SRARP: variants seen among roughly 807,000 people sequenced by gnomAD.
The protein encoded by SRARP is steroid receptor-associated and regulated protein.
SRARP carries 5 observed loss-of-function variants against 3.6 expected under a neutral mutation model. That is an observed-to-expected ratio of 1.39 (90% CI 0.73 to 2.93). The LOEUF is 2.93. Ranked by LOEUF, SRARP falls within the 30% of genes most tolerant of loss-of-function variation. The pLI, the probability that SRARP is intolerant of heterozygous loss-of-function variation, is 0.00. For synonymous variants in SRARP, 96 were observed against 91.6 expected (o/e 1.05, Z -0.27); for missense variants, 215 against 216.7 (o/e 0.99, Z 0.05).
chr1:16,005,743 T>A (rs1391603595), intron 1 of SRARP, among the ~76,000 whole-genome samples, 176 bp from the exon 2 acceptor site: 1 of 152,108 alleles, frequency 6.6e-6, no homozygotes, highest in Non-Finnish European at 1.5e-5. Context: ...CATGGTGGCA[T>A]GAGCCTGTAG....
chr1:16,006,045 A>G lies in SRARP; in HGVS notation c.209A>G (p.Asn70Ser), dbSNP rs1358371168. 9 of 1,613,910 alleles carry G rather than the reference A, an allele frequency of 5.6e-6. No homozygotes were observed. The highest frequency in any genetic ancestry group is 3.3e-5 in the South Asian group (3 of 91,018). Residue 70 changes from asparagine to serine, a missense_variant, in exon 2 of 2, where the codon AAT (asparagine) becomes AGT (serine). Asn to Ser is a conservative substitution (Grantham distance 46, BLOSUM62 1). Coordinates refer to ENST00000329454, the MANE Select transcript of SRARP (RefSeq NM_178840.4). ...TCACCACCCCAAGCCCCCAGTCCCA[A>G]TCGAGGGCTTGTCACCCCACCAATG... ...TASPPQAPSP[N>S]RGLVTPPMKT...
Position 16,008,042 on chromosome 1 carries a change from T to G in SRARP, c.*1696T>G, listed in dbSNP as rs893826145. On this transcript the variant is annotated 3_prime_UTR_variant, in exon 2 of 2. Coordinates refer to ENST00000329454, the MANE Select transcript of SRARP (RefSeq NM_178840.4). ...GCAGAGGGGACACACAGAGGATAAA[T>G]GTAACCCTGTCCTCAAGGAGCTCAC... 1.2e-4 allele frequency: 18 copies of G among 152,196 alleles called. No homozygotes were observed. The highest frequency in any genetic ancestry group is 4.3e-4 in the African/African-American group (18 of 41,420). 9.4% of individuals were successfully genotyped at this position (152,196 alleles called of 1,614,324 possible). A position where few individuals can be genotyped will look rare whatever the true frequency, so the allele number is the denominator to read the frequency against.
intron 1 of SRARP, among the ~76,000 whole-genome samples, chr1:16,004,977 G>C (rs1055510603): frequency 4.6e-5 from 7 of 152,216 alleles, no homozygotes; most frequent in Admixed American, 3.9e-4. Flanking sequence ...TTTGGATTCA[G>C]ATACAATTGC....
In SRARP at chr1:16,004,291, C is replaced by A; in HGVS notation, c.-13C>A. The A allele has an allele frequency of 2.5e-6, 4 of 1,587,488 alleles. No individual in the cohort carries two copies. The highest frequency in any genetic ancestry group is 1.7e-4 in the Middle Eastern group (1 of 6,034). On this transcript the variant is annotated 5_prime_UTR_variant, in exon 1 of 2. Transcript: ENST00000329454. ...CTCTCCTGCCAGAGCTAGGCAGGCG[C>A]CGAAGTAGCCGCATGGCCCCGTCAG...
rs141559019 is a variant in SRARP, at chr1:16,006,254, G to C, written c.418G>C (p.Val140Leu). 6.2e-7 allele frequency: 1 copy of C among 1,613,808 alleles called. No individual in the cohort carries two copies. Among genetic ancestry groups the C allele is most frequent in the East Asian group, 2.2e-5 (1 of 44,886 alleles). Residue 140 changes from valine (V) to leucine (L), a missense_variant, in exon 2 of 2, where the codon GTG (valine) becomes CTG (leucine). Coordinates refer to ENST00000329454, the MANE Select transcript of SRARP (RefSeq NM_178840.4). Reference sequence around the variant, plus strand: ...GGTTCCCGAGGCTAAGGGGAAACCCGTGAAGGCTGCGCCTGTGAGGTCTTC... The same window carrying C: ...GGTTCCCGAGGCTAAGGGGAAACCCCTGAAGGCTGCGCCTGTGAGGTCTTC... ...QEVPEAKGKP[V>L]KAAPVRSSTW... is the part of the protein sequence containing the mutation.
At chr1:16,004,922 TGTTATTTGGGTAACTCAAAAA>T (rs2073118796) in intron 1 of SRARP, among the ~76,000 whole-genome samples, 1 of 152,100 alleles carries the variant, frequency 6.6e-6, no homozygotes. Context: ...TGGATGTGTA[TGTTATTTGGGTAACTCAAAAA>T]GTTACCTTTT....
Position 16,006,353 on chromosome 1 carries a change from G to GGGGCA in SRARP, c.*9_*10insGCAGG, listed in dbSNP as rs756677589. 1.9e-3 allele frequency: 2,941 copies of GGGGCA among 1,578,668 alleles called. 56 individuals are homozygous for GGGGCA. In the African/African-American group the frequency reaches 0.035, roughly 19 times the overall value. ...CTGTGGGCAGGCCGATTAGCTGGAA[G>GGGGCA]GGCCGGGCTCTGATGCCCAGAGGCT... On this transcript the variant is annotated 3_prime_UTR_variant, in exon 2 of 2. Transcript: ENST00000329454.
intron 1 of SRARP, among the ~76,000 whole-genome samples, chr1:16,005,596 G>A (rs115692780): frequency 3.6e-4 from 55 of 152,328 alleles, no homozygotes; most frequent in African/African-American, 1.2e-3. Context: ...TGTCCCAGTC[G>A]GGTGCAGTGG....
rs1317944501 is a variant in SRARP, at chr1:16,008,787, G to C, written c.*2441G>C. On this transcript the variant is annotated 3_prime_UTR_variant, in exon 2 of 2. Transcript: ENST00000329454. ...CCACTGCACTCCGGCCTGGGTGACA[G>C]AGCAAGAGCAAGACTGTCTCAAAAA... The C allele has an allele frequency of 6.7e-6, 1 of 149,474 alleles. No individual in the cohort carries two copies. Among genetic ancestry groups the C allele is most frequent in the Non-Finnish European group, 1.5e-5 (1 of 67,684 alleles). 9.3% of individuals were successfully genotyped at this position (149,474 alleles called of 1,614,324 possible).
intron 1 of SRARP, among the ~76,000 whole-genome samples, chr1:16,005,266 A>G (rs746095611): frequency 6.6e-6 from 1 of 152,166 alleles, no homozygotes; most frequent in Non-Finnish European, 1.5e-5. Flanking sequence ...AATATGGTCC[A>G]TGGACCAGCA....
Position 16,006,093 on chromosome 1 carries a change from G to A in SRARP, c.257G>A (p.Gly86Glu). Residue 86 changes from glycine (G) to glutamate (E), a missense_variant, in exon 2 of 2, where the codon GGG (glycine) becomes GAG (glutamate). Physicochemically the swap from Gly to Glu is moderately conservative, Grantham distance 98. Coordinates refer to ENST00000329454, the MANE Select transcript of SRARP (RefSeq NM_178840.4). ...PPMKTYIVFC[G>E]ENWPHLTRVT... ...ATGAAGACCTACATCGTGTTCTGTG[G>A]GGAAAACTGGCCCCATCTGACTCGG... The A allele has an allele frequency of 1.2e-6, 2 of 1,613,972 alleles. No individual in the cohort carries two copies. Among genetic ancestry groups the A allele is most frequent in the Non-Finnish European group, 1.7e-6 (2 of 1,179,948 alleles).
chr1:16,007,186 C>G lies in SRARP; in HGVS notation c.*840C>G, dbSNP rs1363847129. 3 of 148,150 alleles carry G rather than the reference C, an allele frequency of 2.0e-5. No homozygotes were observed. Among genetic ancestry groups the G allele is most frequent in the Admixed American group, 6.8e-5 (1 of 14,750 alleles). The allele number at this position is 148,150 out of a possible 1,614,324, so 9.2% of individuals were successfully genotyped here. On this transcript the variant is annotated 3_prime_UTR_variant, in exon 2 of 2. Transcript: ENST00000329454. ...AGTATCATGTTTGAACGAATGAAAA[C>G]AAGACATGTTATTTATTGAGCATCT...
Position 16,006,023 on chromosome 1 carries a change from C to T in SRARP, c.187C>T (p.Pro63Ser). Reference sequence around the variant, plus strand: ...GCTCTCCCTGGCAGCAACCGCATCACCACCCCAAGCCCCCAGTCCCAATCG... The same window carrying T: ...GCTCTCCCTGGCAGCAACCGCATCATCACCCCAAGCCCCCAGTCCCAATCG... The part of the protein sequence containing the change: ...KQLSLAATAS[P>S]PQAPSPNRGL... Residue 63 changes from proline (P) to serine (S), a missense_variant, in exon 2 of 2, where the codon CCA (proline) becomes TCA (serine). Physicochemically the swap from Pro to Ser is moderately conservative, Grantham distance 74. Transcript: ENST00000329454. 6.2e-7 allele frequency: 1 copy of T among 1,613,960 alleles called. No homozygotes were observed. The highest frequency in any genetic ancestry group is 8.5e-7 in the Non-Finnish European group (1 of 1,179,956).
intron 1 of SRARP, 27 bp from the exon 2 acceptor site, chr1:16,005,892 A>G: frequency 1.3e-6 from 2 of 1,516,414 alleles, no homozygotes; most frequent in African/African-American, 2.8e-5. Context: ...TGCTTGTGCT[A>G]ACTTTTGGTC....
At chr1:16,004,994 A>G (rs2073119089) in intron 1 of SRARP, among the ~76,000 whole-genome samples, 1 of 152,222 alleles carries the variant, frequency 6.6e-6, no homozygotes, top group African/African-American at 2.4e-5. Flanking sequence ...TTGCTCAGAC[A>G]CCTGCTTCAT....
rs1201465620 is a variant in SRARP at position 16,008,250 on chromosome 1, C to A, written c.*1904C>A. 6.6e-6 allele frequency: 1 copy of A among 152,026 alleles called. No individual in the cohort carries two copies. Among genetic ancestry groups the A allele is most frequent in the East Asian group, 1.9e-4 (1 of 5,192 alleles). The allele number at this position is 152,026 out of a possible 1,614,324, so 9.4% of individuals were successfully genotyped here. On this transcript the variant is annotated 3_prime_UTR_variant, in exon 2 of 2. Coordinates refer to ENST00000329454, the MANE Select transcript of SRARP (RefSeq NM_178840.4). ...AGATCTGACCGGTGACTAAGCTATA[C>A]AAAAGGGTGGGGTGGGGGAGCAAGT...
At position 16,006,200 on chromosome 1, in the gene SRARP, T is replaced by C. The variant is rs2073127504; in HGVS notation, c.364T>C (p.Phe122Leu). 2 of 1,613,910 alleles carry C rather than the reference T, an allele frequency of 1.2e-6. No individual in the cohort carries two copies. Among genetic ancestry groups the C allele is most frequent in the Non-Finnish European group, 1.7e-6 (2 of 1,180,022 alleles). ...LCRGSVASAS[F>L]PVSPLCPQEV... ...CAGAGGGTCTGTGGCCTCAGCTTCC[T>C]TCCCAGTCAGCCCGCTCTGCCCCCA... The change falls in exon 2 of 2, where the codon TTC becomes CTC. Residue 122 changes from phenylalanine to leucine, a missense_variant. Coordinates refer to ENST00000329454, the MANE Select transcript of SRARP (RefSeq NM_178840.4).
At chr1:16,005,855 C>T in intron 1 of SRARP, 64 bp from the exon 2 acceptor site, 5 of 1,439,010 alleles carry the variant, frequency 3.5e-6, no homozygotes, top group Non-Finnish European at 4.7e-6. Context: ...GAGTGAGACC[C>T]TGTCTCAGGG....
Position 16,004,387 on chromosome 1 carries a change from T to A in SRARP, c.82+2T>A. 1 of 1,600,222 alleles carries A rather than the reference T, an allele frequency of 6.2e-7. No individual in the cohort carries two copies. The highest frequency in any genetic ancestry group is 8.5e-7 in the Non-Finnish European group (1 of 1,173,134). On this transcript the variant is annotated splice_donor_variant, in intron 1 of 1. Transcript: ENST00000329454. LOFTEE classifies it high-confidence loss of function. ...AGACAGGCCTGGAGACCAGCTCCGGTAAGAGGCGGCAAAGGGACCCCAGCC... is the reference window on the plus strand; with the variant it reads ...AGACAGGCCTGGAGACCAGCTCCGGAAAGAGGCGGCAAAGGGACCCCAGCC...
Sources: gnomAD v4.1 joint callset for allele counts (sites outside exome capture counted in the v4.1 genomes callset) on GRCh38, gnomAD v4.1.1 for gene constraint, MANE v1.5 for transcripts, NCBI Gene and HGNC (gene_info 2026-07-23, HGNC 2026-07-21) for gene names.